NAA35: variants seen among roughly 807,000 people sequenced by gnomAD.
NAA35 encodes the protein N-alpha-acetyltransferase 35, NatC auxiliary subunit.
Under a neutral mutation model 101.7 loss-of-function variants are expected in NAA35, and 18 were observed. The observed-to-expected ratio is 0.18, with a 90% CI of 0.12 to 0.26. The LOEUF is 0.26. Among genes scored for constraint, NAA35 ranks in the 10% least tolerant of loss-of-function variants. The pLI is 1.00. For synonymous variants in NAA35, 267 were observed against 273.1 expected (o/e 0.98, Z 0.22); for missense variants, 601 against 886.8 (o/e 0.68, Z 4.09).
At position 86,024,054 on chromosome 9, in the gene NAA35, C is replaced by T. The variant is rs1832679172; in HGVS notation, c.*2094C>T. ...ATTTTATAATTTTTAAAGTAATCTGCCATTCAAGGTACTTACTGAAAAAAA... is the reference window on the plus strand; with the variant it reads ...ATTTTATAATTTTTAAAGTAATCTGTCATTCAAGGTACTTACTGAAAAAAA... On this transcript the variant is annotated 3_prime_UTR_variant, in exon 23 of 23. Coordinates refer to ENST00000361671, the MANE Select transcript of NAA35 (RefSeq NM_024635.4). Among the ~76,000 whole-genome samples, 1 of 152,074 alleles carries T rather than the reference C, an allele frequency of 6.6e-6. No homozygotes were observed. The highest frequency in any genetic ancestry group is 2.4e-5 in the African/African-American group (1 of 41,412).
chr9:86,012,845 G>T (rs557110989), intron 15 of NAA35, among the ~76,000 whole-genome samples: 1 of 152,232 alleles, frequency 6.6e-6, no homozygotes, highest in Admixed American at 6.5e-5. Flanking sequence ...ACATGAAGCT[G>T]TTTTTTTCCA....
chr9:86,021,085 T>G, intron 22 of NAA35, 116 bp downstream of exon 22: 1 of 719,088 alleles, frequency 1.4e-6, no homozygotes, highest in Non-Finnish European at 2.1e-6. Context: ...AAAATCATTC[T>G]AAAAATTTTA....
chr9:85,957,852 C>G (rs1294357314), intron 3 of NAA35, among the ~76,000 whole-genome samples: 2 of 151,988 alleles, frequency 1.3e-5, no homozygotes, highest in Admixed American at 6.6e-5. Flanking sequence ...CCAGAATTGT[C>G]TGGAGGGCTT....
At chr9:85,959,643 T>TGTGATA (rs1380735661) in intron 4 of NAA35, 150 bp from the exon 5 acceptor site, 8 of 528,330 alleles carry the variant, frequency 1.5e-5, no homozygotes, top group African/African-American at 1.3e-4. Context: ...GTTAATTTGG[T>TGTGATA]GTGATAGTTT....
intron 11 of NAA35, among the ~76,000 whole-genome samples, chr9:85,981,665 A>G (rs1830446172): frequency 6.6e-6 from 1 of 152,188 alleles, no homozygotes; most frequent in African/African-American, 2.4e-5. Flanking sequence ...TTAAAAATGT[A>G]ATCTTACGAC....
At chr9:86,013,208 A>T in intron 16 of NAA35, 64 bp downstream of exon 16, 1 of 1,019,642 alleles carries the variant, frequency 9.8e-7, no homozygotes, top group East Asian at 2.5e-5. Flanking sequence ...CAGATTTTTA[A>T]AAACAATAAT....
At chr9:85,953,092 A>G (rs1023934315) in intron 2 of NAA35, among the ~76,000 whole-genome samples, 7 of 152,088 alleles carry the variant, frequency 4.6e-5, no homozygotes, top group Admixed American at 4.6e-4. Context: ...TTGCACCTGT[A>G]ATCCCAGTTA....
intron 21 of NAA35, 88 bp from the exon 22 acceptor site, chr9:86,020,801 G>GC (rs1832501810): frequency 3.1e-6 from 3 of 963,430 alleles, no homozygotes; most frequent in Non-Finnish European, 4.8e-6. Context: ...CTGTACTCCA[G>GC]CCTGGGTTGA....
chr9:85,947,934 C>T (rs979685003), intron 2 of NAA35, among the ~76,000 whole-genome samples: 1 of 152,172 alleles, frequency 6.6e-6, no homozygotes, highest in African/African-American at 2.4e-5. Flanking sequence ...GAGGGCTCTT[C>T]TGCAGTGTTG....
At chr9:86,004,588 A>G (rs545259946) in intron 13 of NAA35, among the ~76,000 whole-genome samples, 2 of 152,250 alleles carry the variant, frequency 1.3e-5, no homozygotes, top group Non-Finnish European at 2.9e-5. Context: ...TTAGTAAAAT[A>G]TAGAACAGAA....
chr9:85,982,726 G>A (rs1014403080), intron 11 of NAA35, among the ~76,000 whole-genome samples: 1 of 152,164 alleles, frequency 6.6e-6, no homozygotes, highest in Non-Finnish European at 1.5e-5. Flanking sequence ...AATAAACTTG[G>A]TGGGTTGAAC....
At chr9:86,003,845 T>G (rs1008560490) in intron 13 of NAA35, among the ~76,000 whole-genome samples, 7 of 152,050 alleles carry the variant, frequency 4.6e-5, no homozygotes, top group African/African-American at 1.7e-4. Flanking sequence ...CAAACCTCAG[T>G]GATTTAAAAA....
Position 86,018,346 on chromosome 9 carries a change from C to T in NAA35, c.1865C>T (p.Pro622Leu). Residue 622 changes from proline (P) to leucine (L), a missense_variant, in exon 20 of 23, where the codon CCA becomes CTA. Physicochemically the swap from Pro to Leu is moderately conservative, Grantham distance 98. Coordinates refer to ENST00000361671, the MANE Select transcript of NAA35 (RefSeq NM_024635.4). ...EQVRYEHRFA[P>L]FNSVMTPPPV... The stretch of plus-strand genomic sequence containing the variant: ...GTTCGGTATGAACACAGGTTTGCTC[C>T]ATTCAACAGTGTGATGACCCCGCCG... 6.2e-7 allele frequency: 1 copy of T among 1,613,922 alleles called. No individual in the cohort carries two copies. The highest frequency in any genetic ancestry group is 8.5e-7 in the Non-Finnish European group (1 of 1,179,852).
At chr9:85,959,721 A>T in intron 4 of NAA35, 72 bp from the exon 5 acceptor site, 1 of 949,694 alleles carries the variant, frequency 1.1e-6, no homozygotes, top group South Asian at 1.6e-5. Context: ...GAAATCCAAA[A>T]TGCTACTATA....
At chr9:85,957,320 G>A (rs1044673692) in intron 3 of NAA35, among the ~76,000 whole-genome samples, 1 of 152,180 alleles carries the variant, frequency 6.6e-6, no homozygotes, top group Non-Finnish European at 1.5e-5. Context: ...AGGTTTTCAT[G>A]TTTGTCATAT....
chr9:86,014,624 T>G (rs961403034), intron 17 of NAA35, among the ~76,000 whole-genome samples: 1 of 152,190 alleles, frequency 6.6e-6, no homozygotes, highest in East Asian at 1.9e-4. Flanking sequence ...ACTTTTAAAC[T>G]TGTTTAAATT....
chr9:85,977,528 C>CT, intron 10 of NAA35, 82 bp downstream of exon 10: 1 of 902,096 alleles, frequency 1.1e-6, no homozygotes, highest in South Asian at 1.3e-5. Context: ...TGAAACTTCT[C>CT]CCTTGAAGTG....
intron 11 of NAA35, among the ~76,000 whole-genome samples, chr9:85,990,891 C>T (rs547719168): frequency 2.6e-5 from 4 of 152,206 alleles, no homozygotes; most frequent in African/African-American, 4.8e-5. Context: ...AAGGAAGTGT[C>T]CATGTAGAAT....
chr9:85,978,631 G>C (rs1830313378), intron 11 of NAA35, among the ~76,000 whole-genome samples: 1 of 152,082 alleles, frequency 6.6e-6, no homozygotes, highest in South Asian at 2.1e-4. Context: ...TCCATGCTGT[G>C]ATGTTACAGT....
Sources: gnomAD v4.1 joint callset for allele counts (sites outside exome capture counted in the v4.1 genomes callset) on GRCh38, gnomAD v4.1.1 for gene constraint, MANE v1.5 for transcripts, NCBI Gene and HGNC (gene_info 2026-07-23, HGNC 2026-07-21) for gene names.